MYO16: variants seen among roughly 807,000 people sequenced by gnomAD.
MYO16 encodes unconventional myosin-XVI.
Under a neutral mutation model 205.3 loss-of-function variants are expected in MYO16, and 94 were observed. That is an observed-to-expected ratio of 0.46 (90% CI 0.39 to 0.54). The LOEUF (loss-of-function observed/expected upper bound fraction) is 0.54, where lower values mean the gene tolerates loss of function less well. Ranked by LOEUF, MYO16 falls within the 20% of genes least tolerant of loss-of-function variation. The pLI, the probability that MYO16 is intolerant of heterozygous loss-of-function variation, is 0.00. For missense variants in MYO16, 2,315 were observed against 2,387.5 expected, an observed-to-expected ratio of 0.97 and a Z score of 0.63; for synonymous variants, 988 against 954.0, an observed-to-expected ratio of 1.04 and a Z score of -0.66.
At chr13:108,560,929 C>T in the MYO16 span, among the ~76,000 whole-genome samples, 1 of 152,118 alleles carries the variant, frequency 6.6e-6, no homozygotes, top group African/African-American at 2.4e-5. Flanking sequence ...TTTTAGCACT[C>T]CATTGTTATA....
intron 27 of MYO16, among the ~76,000 whole-genome samples, chr13:109,075,765 T>C (rs148842814): frequency 3.9e-5 from 6 of 152,346 alleles, no homozygotes; most frequent in Non-Finnish European, 7.3e-5. Flanking sequence ...ATCATGTTGA[T>C]TGCTTTTTCG....
chr13:108,901,016 C>G (rs1053625257), intron 15 of MYO16, among the ~76,000 whole-genome samples: 3 of 152,108 alleles, frequency 2.0e-5, no homozygotes, highest in African/African-American at 7.2e-5. Flanking sequence ...GAAATAAGCC[C>G]CGGTCTCCCA....
intron 2 of MYO16, among the ~76,000 whole-genome samples, chr13:108,679,559 C>T (rs76673101): frequency 0.03 from 4,532 of 152,044 alleles, 91 homozygotes; most frequent in Non-Finnish European, 0.046. Context: ...TCAGTCCCCA[C>T]TGTCATGACC....
chr13:108,865,356 G>A (rs1047168220), intron 11 of MYO16, among the ~76,000 whole-genome samples: 1 of 152,054 alleles, frequency 6.6e-6, no homozygotes, highest in African/African-American at 2.4e-5. Context: ...TAGAAATTTA[G>A]AAATGTTGTT....
intron 7 of MYO16, among the ~76,000 whole-genome samples, chr13:108,812,057 G>A (rs2138995948): frequency 6.6e-6 from 1 of 152,264 alleles, no homozygotes; most frequent in Middle Eastern, 3.4e-3. Context: ...TATACTGAAT[G>A]TATCTTCATT....
At chr13:109,100,320 T>G (rs1052755185) in intron 27 of MYO16, among the ~76,000 whole-genome samples, 3 of 152,246 alleles carry the variant, frequency 2.0e-5, no homozygotes, top group African/African-American at 7.2e-5. Flanking sequence ...GAAGCGATTC[T>G]ACCTCTCAAA....
Position 109,057,959 on chromosome 13 carries a change from A to G in MYO16, c.3335+2364A>G, listed in dbSNP as rs534972770. Among the ~76,000 whole-genome samples, 5 of 152,222 alleles carry G rather than the reference A, an allele frequency of 3.3e-5. No individual in the cohort carries two copies. In the South Asian group the frequency reaches 1.0e-3, roughly 32 times the overall value. Reference sequence around the variant, plus strand: ...GAGACGTTACAATTTGTTTAACTGTAGTAACTCCCTCTTTAGTGTTACCCA... The same window carrying G: ...GAGACGTTACAATTTGTTTAACTGTGGTAACTCCCTCTTTAGTGTTACCCA... On this transcript the variant is annotated intron_variant, in intron 27 of 34. Coordinates refer to ENST00000457511, the MANE Select transcript of MYO16 (RefSeq NM_001198950.3).
intron 34 of MYO16, among the ~76,000 whole-genome samples, chr13:109,198,173 A>G (rs1446359926): frequency 7.0e-6 from 1 of 142,592 alleles, no homozygotes; most frequent in East Asian, 1.9e-4. Flanking sequence ...TAAATAAAAT[A>G]CAAAGACATA....
chr13:108,637,509 T>A (rs1880310118), intron 1 of MYO16, among the ~76,000 whole-genome samples: 1 of 152,226 alleles, frequency 6.6e-6, no homozygotes, highest in South Asian at 2.1e-4. Flanking sequence ...TTAATTCATG[T>A]ATTTATTATT....
chr13:108,502,928 G>C, the MYO16 span, among the ~76,000 whole-genome samples: 2 of 152,248 alleles, frequency 1.3e-5, no homozygotes, highest in Middle Eastern at 3.4e-3. Context: ...ATGAAATTCG[G>C]CCTAAGAAAT....
chr13:109,172,276 C>G (rs1039330010), intron 33 of MYO16, among the ~76,000 whole-genome samples: 6 of 152,204 alleles, frequency 3.9e-5, no homozygotes, highest in African/African-American at 1.2e-4. Flanking sequence ...GGAAGCAAGC[C>G]TCACTTGACA....
rs941503807 is a variant in MYO16, at chr13:109,125,788, G to C, written c.3782+430G>C. On this transcript the variant is annotated intron_variant, in intron 30 of 34. Coordinates refer to ENST00000457511, the MANE Select transcript of MYO16 (RefSeq NM_001198950.3). This position sits in a 1 kb window ranked among gnomAD's most constrained non-coding sequence, Gnocchi z 4.0. The stretch of plus-strand genomic sequence containing the variant: ...GAGATACCACTCTGAAAACATGGAA[G>C]AAGTGAACTCAATAGATAGATTGTA... Among the ~76,000 whole-genome samples, 1 of 152,250 alleles carries C rather than the reference G, an allele frequency of 6.6e-6. No homozygotes were observed.
At chr13:108,788,356 G>A (rs142188816) in intron 5 of MYO16, among the ~76,000 whole-genome samples, 15 of 152,224 alleles carry the variant, frequency 9.9e-5, no homozygotes, top group Middle Eastern at 6.8e-3. Flanking sequence ...AGAGCTGATG[G>A]AGCATTTGAT....
rs374518341 is a variant in MYO16 at position 109,028,405 on chromosome 13, A to G, written c.2796+8494A>G. 3.6e-4 allele frequency: 119 copies of G among 327,736 alleles called. 1 individual carries two copies. The Middle Eastern group carries it at 0.013, about 37-fold the overall frequency. The allele number at this position is 327,736 out of a possible 1,614,324, so 20.3% of individuals were successfully genotyped here. A position where few individuals can be genotyped will look rare whatever the true frequency, so the allele number is the denominator to read the frequency against. ...ATGTTAATGTAACATTTTGTTTTTC[A>G]CAGAATATTTGGGATGCTTTGTGAT... is the stretch of plus-strand genomic sequence containing the variant. On this transcript the variant is annotated intron_variant, in intron 23 of 34. Coordinates refer to ENST00000457511, the MANE Select transcript of MYO16 (RefSeq NM_001198950.3).
At chr13:109,029,821 A>T (rs530039957) in intron 23 of MYO16, among the ~76,000 whole-genome samples, 1 of 152,308 alleles carries the variant, frequency 6.6e-6, no homozygotes, top group South Asian at 2.1e-4. Context: ...GGGAGGCATG[A>T]TCCACCTTTT....
chr13:108,792,140 T>G (rs1264928080), intron 5 of MYO16, among the ~76,000 whole-genome samples: 1 of 152,162 alleles, frequency 6.6e-6, no homozygotes, highest in African/African-American at 2.4e-5. Flanking sequence ...AGATGAAACA[T>G]CATGAAACTT....
At chr13:109,137,342 A>T (rs1363230783) in intron 31 of MYO16, among the ~76,000 whole-genome samples, 1 of 152,250 alleles carries the variant, frequency 6.6e-6, no homozygotes, top group Non-Finnish European at 1.5e-5. Flanking sequence ...ACCCTCCCCG[A>T]TTCCAGATTC....
intron 21 of MYO16, among the ~76,000 whole-genome samples, chr13:109,000,359 T>C (rs745683972): frequency 4.6e-5 from 7 of 152,288 alleles, no homozygotes; most frequent in Non-Finnish European, 8.8e-5. Flanking sequence ...AGAGTTAAAG[T>C]CCCCACAAGT....
chr13:109,028,015 A>G (rs999820444), intron 23 of MYO16, among the ~76,000 whole-genome samples: 2 of 152,128 alleles, frequency 1.3e-5, no homozygotes. Flanking sequence ...TTATCTTATA[A>G]AAGTGCTCAC....
Sources: allele counts gnomAD v4.1 joint callset (sites outside exome capture counted in the v4.1 genomes callset), GRCh38; gene constraint gnomAD v4.1.1; non-coding constraint Gnocchi (gnomAD v3.1); transcripts MANE v1.5; gene names NCBI Gene and HGNC (gene_info 2026-07-23, HGNC 2026-07-21).